The following PTPRC variants were observed in gnomAD, a reference collection of about 807,000 sequenced individuals.
PTPRC encodes the protein receptor-type tyrosine-protein phosphatase C.
PTPRC carries 44 observed loss-of-function variants against 155.9 expected under a neutral mutation model. That is an observed-to-expected ratio of 0.28 (90% CI 0.22 to 0.36). PTPRC has a LOEUF of 0.36. Ranked by LOEUF, PTPRC falls within the 10% of genes least tolerant of loss-of-function variation. The pLI is 1.00. For synonymous variants in PTPRC, 525 were observed against 533.1 expected, an observed-to-expected ratio of 0.98 and a Z score of 0.21; for missense variants, 1,401 against 1,564.6, an observed-to-expected ratio of 0.90 and a Z score of 1.76.
At chr1:198,656,654 T>TG (rs1491185454) in intron 2 of PTPRC, among the ~76,000 whole-genome samples, 1 of 16,174 alleles carries the variant, frequency 6.2e-5, no homozygotes, top group Non-Finnish European at 1.1e-4. Context: ...TTGTTTTTTG[T>TG]TTTTTTTTTT....
At chr1:198,732,910 G>C (rs1654460076) in intron 20 of PTPRC, among the ~76,000 whole-genome samples, 1 of 151,768 alleles carries the variant, frequency 6.6e-6, no homozygotes, top group Non-Finnish European at 1.5e-5. Context: ...GGGAGGCTCA[G>C]TTTAGTTAAT....
In PTPRC at chr1:198,734,437, G is replaced by C. The variant is rs761190777; in HGVS notation, c.2277+12G>C. ...AAGAAGGAAACAGGGTAAGAACCAA[G>C]AAGATTCATAGTGTGGGTCTTGGGG... On this transcript the variant is annotated intron_variant, in intron 22 of 32. Transcript: ENST00000442510. 10 of 1,608,170 alleles carry C rather than the reference G, an allele frequency of 6.2e-6. No individual in the cohort carries two copies. In the Admixed American group the frequency reaches 1.7e-4, roughly 27 times the overall value.
intron 23 of PTPRC, among the ~76,000 whole-genome samples, chr1:198,735,750 C>T (rs574576585): frequency 2.6e-5 from 4 of 151,470 alleles, no homozygotes; most frequent in South Asian, 2.1e-4. Flanking sequence ...AAATAGAGAT[C>T]GTCATGCATG....
intron 25 of PTPRC, among the ~76,000 whole-genome samples, chr1:198,743,141 G>A (rs1654988063): frequency 6.7e-6 from 1 of 150,252 alleles, no homozygotes; most frequent in South Asian, 2.1e-4. Context: ...GTATCAATAG[G>A]GGAATAGGAA....
intron 2 of PTPRC, among the ~76,000 whole-genome samples, chr1:198,646,953 A>G (rs1317183795): frequency 6.6e-6 from 1 of 151,890 alleles, no homozygotes; most frequent in Non-Finnish European, 1.5e-5. Context: ...TTGCACACAC[A>G]TATGTAATTG....
chr1:198,658,186 C>T (rs1293550423), intron 2 of PTPRC, among the ~76,000 whole-genome samples: 2 of 152,104 alleles, frequency 1.3e-5, no homozygotes, highest in East Asian at 3.9e-4. Context: ...ATAGGCAGTG[C>T]CTATCGTTAC....
rs753137009 is a variant in PTPRC at position 198,643,083 on chromosome 1, T to C, written c.73+3742T>C. ...TAAGGTTCTGGGCAAATCCTACTTC[T>C]TCTATTATGTTCTCTTATGTCACTT... On this transcript the variant is annotated intron_variant, in intron 2 of 32. Transcript: ENST00000442510. Among the ~76,000 whole-genome samples, 58 of 151,818 alleles carry C rather than the reference T, an allele frequency of 3.8e-4. 1 individual carries two copies. The highest frequency in any genetic ancestry group is 2.0e-4 in the Admixed American group (3 of 15,160).
intron 2 of PTPRC, among the ~76,000 whole-genome samples, chr1:198,650,195 G>C (rs1308073486): frequency 1.3e-5 from 2 of 151,828 alleles, no homozygotes; most frequent in African/African-American, 4.8e-5. Context: ...GGTCCCACAG[G>C]GCCTTGATGG....
At chr1:198,743,139 AG>A (rs1654987946) in intron 25 of PTPRC, among the ~76,000 whole-genome samples, 3 of 151,354 alleles carry the variant, frequency 2.0e-5, no homozygotes, top group Non-Finnish European at 3.0e-5. Flanking sequence ...ATGTATCAAT[AG>A]GGGAATAGGA....
At chr1:198,676,611 C>T in intron 2 of PTPRC, among the ~76,000 whole-genome samples, 1 of 152,092 alleles carries the variant, frequency 6.6e-6, no homozygotes, top group East Asian at 1.9e-4. Context: ...GGTGACAGGT[C>T]ATTGGAAAAT....
chr1:198,694,823 T>C (rs1285658555), intron 3 of PTPRC: 1 of 948,522 alleles, frequency 1.1e-6, no homozygotes, highest in Non-Finnish European at 1.3e-6. Flanking sequence ...TTTTATTCAA[T>C]GCATAGTAGT....
At chr1:198,754,198 C>G in intron 31 of PTPRC, 71 bp from the exon 32 acceptor site, 1 of 1,481,732 alleles carries the variant, frequency 6.7e-7, no homozygotes, top group Non-Finnish European at 9.4e-7. Context: ...CTCTCTCTTC[C>G]TGTTTTTATT....
chr1:198,642,309 TACTC>T (rs1373682422), intron 2 of PTPRC, among the ~76,000 whole-genome samples: 1 of 152,018 alleles, frequency 6.6e-6, no homozygotes, highest in Non-Finnish European at 1.5e-5. Context: ...TTTATGTAGA[TACTC>T]ACACATAAAC....
chr1:198,749,498 T>TGAC lies in PTPRC; in HGVS notation c.3022_3024dup (p.Asp1008dup). 1 of 1,610,306 alleles carries TGAC rather than the reference T, an allele frequency of 6.2e-7. No homozygotes were observed. Among genetic ancestry groups the TGAC allele is most frequent in the East Asian group, 2.2e-5 (1 of 44,492 alleles). On this transcript the variant is annotated inframe_insertion, in exon 28 of 33. Coordinates refer to ENST00000442510, the MANE Select transcript of PTPRC (RefSeq NM_002838.5). ...ATGATTCAGATGAATCCTCTGATGA[T>TGAC]GACAGTGATTCAGAGGAACCAAGCA...
chr1:198,696,899 T>C lies in PTPRC; in HGVS notation c.288T>C (p.Phe96=), dbSNP rs769834579. The change falls in exon 4 of 33, where the codon TTT becomes TTC. Residue 96 remains phenylalanine (F), a synonymous_variant. Coordinates refer to ENST00000442510, the MANE Select transcript of PTPRC (RefSeq NM_002838.5). The part of the protein sequence containing the change: ...SPDSLDNASA[F]NTTGVSSVQT... ...ACTCTTTGGATAATGCTAGTGCTTT[T>C]AATACCACAGGTTGGCACACAAAAG... The C allele has an allele frequency of 1.9e-6, 3 of 1,613,316 alleles. No homozygotes were observed. In the East Asian group the frequency reaches 6.7e-5, roughly 36 times the overall value.
rs1179228310 is a variant in PTPRC, at chr1:198,744,186, C to T, written c.2830C>T (p.Leu944=). 1 of 1,605,786 alleles carries T rather than the reference C, an allele frequency of 6.2e-7. No homozygotes were observed. The highest frequency in any genetic ancestry group is 1.7e-5 in the Admixed American group (1 of 59,722). The change falls in exon 26 of 33, where the codon CTA becomes TTA. Residue 944 remains leucine, a synonymous_variant. Coordinates refer to ENST00000442510, the MANE Select transcript of PTPRC (RefSeq NM_002838.5). ...GGATCCACCCAGTGAGCCGTCTCCA[C>T]TAGAGGCTGAATTCCAGGTAATGAT... The part of the protein sequence containing the change: ...KRDPPSEPSP[L]EAEFQRLPSY...
At chr1:198,744,277 C>A in intron 26 of PTPRC, 74 bp downstream of exon 26, 1 of 1,416,618 alleles carries the variant, frequency 7.1e-7, no homozygotes, top group Non-Finnish European at 9.8e-7. Context: ...TAGGTGTTTG[C>A]TATGCACTTG....
At chr1:198,732,245 G>T in intron 18 of PTPRC, 55 bp from the exon 19 acceptor site, 1 of 1,354,704 alleles carries the variant, frequency 7.4e-7, no homozygotes, top group East Asian at 2.3e-5. Context: ...ATTGGTAAGG[G>T]GGAAATTATT....
chr1:198,697,766 G>A (rs565777465), intron 4 of PTPRC, among the ~76,000 whole-genome samples: 5 of 152,098 alleles, frequency 3.3e-5, no homozygotes, highest in Non-Finnish European at 7.4e-5. Flanking sequence ...ATTTATCTTC[G>A]TTTGAAAAAC....
Sources: gnomAD v4.1 joint callset for allele counts (sites outside exome capture counted in the v4.1 genomes callset) on GRCh38, gnomAD v4.1.1 for gene constraint, MANE v1.5 for transcripts, NCBI Gene and HGNC (gene_info 2026-07-23, HGNC 2026-07-21) for gene names.